SORCS2: variants seen among roughly 807,000 people sequenced by gnomAD.
SORCS2 encodes the protein VPS10 domain-containing receptor SorCS2.
A neutral mutation model predicts 141.6 loss-of-function variants in SORCS2; 100 were observed. That is an observed-to-expected ratio of 0.71 (90% CI 0.60 to 0.83). The LOEUF is 0.83. Among genes scored for constraint, SORCS2 ranks in the 40% least tolerant of loss-of-function variants. The probability of loss-of-function intolerance (pLI) is 0.00; values close to 1 mark genes in which losing one functional copy is unlikely to be tolerated. For missense variants in SORCS2, 1,646 were observed against 1,560.2 expected (o/e 1.05, Z -0.93); for synonymous variants, 789 against 676.9 (o/e 1.17, Z -2.57).
rs188085804 is a variant in SORCS2, at chr4:7,465,267, T to C, written c.549-66263T>C. 1.1e-3 allele frequency among the ~76,000 whole-genome samples: 173 copies of C among 152,360 alleles called. 1 individual carries two copies. The highest frequency in any genetic ancestry group is 3.9e-3 in the African/African-American group (164 of 41,584). On this transcript the variant is annotated intron_variant, in intron 2 of 26. Coordinates refer to ENST00000507866, the MANE Select transcript of SORCS2 (RefSeq NM_020777.3). ...GAGCTGCCAGGGCATGAATATTTAA[T>C]CTCAGCGGTTGCCATTTGTCTTTGC... is the stretch of plus-strand genomic sequence containing the variant.
At chr4:7,660,161 G>A (rs932935756) in intron 5 of SORCS2, among the ~76,000 whole-genome samples, 1 of 152,220 alleles carries the variant, frequency 6.6e-6, no homozygotes, top group Non-Finnish European at 1.5e-5. Context: ...ACAGACTCAG[G>A]ACCTGGCTTT....
chr4:7,507,315 C>G (rs1168626089), intron 2 of SORCS2, among the ~76,000 whole-genome samples: 1 of 152,162 alleles, frequency 6.6e-6, no homozygotes, highest in Non-Finnish European at 1.5e-5. Context: ...GCTGGGATTA[C>G]AGGCGCGTGC....
intron 1 of SORCS2, among the ~76,000 whole-genome samples, chr4:7,366,045 C>T (rs557477240): frequency 4.6e-5 from 7 of 152,224 alleles, no homozygotes; most frequent in East Asian, 3.9e-4. Context: ...CAGTGACATC[C>T]GTCAGCGCAG....
At chr4:7,214,961 G>A (rs181525207) in intron 1 of SORCS2, among the ~76,000 whole-genome samples, 1 of 152,022 alleles carries the variant, frequency 6.6e-6, no homozygotes, top group East Asian at 2.0e-4. Flanking sequence ...AGGTGACAGC[G>A]TGCTGGCAGT....
intron 1 of SORCS2, among the ~76,000 whole-genome samples, chr4:7,386,947 TAC>T (rs774869194): frequency 4.0e-3 from 28 of 7,078 alleles, no homozygotes; most frequent in Admixed American, 0.018. Context: ...TACACAGAGA[TAC>T]ACACATATGC....
At chr4:7,488,990 C>G (rs12331653) in intron 2 of SORCS2, among the ~76,000 whole-genome samples, 13,262 of 152,216 alleles carry the variant, frequency 0.087, 734 homozygotes, top group African/African-American at 0.16. Context: ...TTCATTCATT[C>G]ATTCAACGTT....
At chr4:7,325,451 A>C (rs1461280301) in intron 1 of SORCS2, among the ~76,000 whole-genome samples, 1 of 152,144 alleles carries the variant, frequency 6.6e-6, no homozygotes, top group Non-Finnish European at 1.5e-5. Context: ...TGGAAAAGCT[A>C]ACTGGTTATC....
chr4:7,343,362 C>T (rs1720470988), intron 1 of SORCS2, among the ~76,000 whole-genome samples: 1 of 152,228 alleles, frequency 6.6e-6, no homozygotes, highest in Admixed American at 6.5e-5. Context: ...CAGTGAGTGA[C>T]ACCGGGCAAA....
intron 1 of SORCS2, among the ~76,000 whole-genome samples, chr4:7,242,066 C>T (rs1359419812): frequency 6.6e-6 from 1 of 152,174 alleles, no homozygotes; most frequent in Middle Eastern, 3.2e-3. Flanking sequence ...ACCTAGGCAG[C>T]TTCAGGACCC....
intron 1 of SORCS2, among the ~76,000 whole-genome samples, chr4:7,388,186 C>T (rs551297641): frequency 2.0e-5 from 3 of 152,176 alleles, no homozygotes; most frequent in African/African-American, 7.2e-5. Context: ...GACAGGTAGA[C>T]GGCCTGCAGA....
intron 1 of SORCS2, among the ~76,000 whole-genome samples, chr4:7,280,894 T>C (rs938816088): frequency 6.6e-6 from 1 of 152,184 alleles, no homozygotes; most frequent in Non-Finnish European, 1.5e-5. Flanking sequence ...GGAAGCGTCA[T>C]TATCCAGCAC....
In SORCS2 at chr4:7,396,290, G is replaced by C; in HGVS notation, c.483G>C (p.Val161=). ...MVHWTGENSS[V]ILILTKYYHA... is the part of the protein sequence containing the mutation. ...TTTACTTTCTGTTAACACCACAGGT[G>C]ATCTTGATCCTGACGAAGTACTACC... The change falls in exon 2 of 27, where the codon GTG becomes GTC. Residue 161 remains valine (V), a splice_region_variant and synonymous_variant. Transcript: ENST00000507866. The C allele has an allele frequency of 6.2e-7, 1 of 1,613,884 alleles. No individual in the cohort carries two copies. The highest frequency in any genetic ancestry group is 8.5e-7 in the Non-Finnish European group (1 of 1,179,856).
At chr4:7,733,288 G>T in intron 23 of SORCS2, 34 bp from the exon 24 acceptor site, 4 of 1,486,392 alleles carry the variant, frequency 2.7e-6, no homozygotes, top group Non-Finnish European at 3.6e-6. Context: ...AGCCTCCATG[G>T]AGGCCTCACT....
At position 7,539,680 on chromosome 4, in the gene SORCS2, A is replaced by AGGCCCCGC. The variant is rs1553881101; in HGVS notation, c.648+8051_648+8052insGGCCCCGC. Among the ~76,000 whole-genome samples the AGGCCCCGC allele has an allele frequency of 7.5e-4, 101 of 134,302 alleles. 2 individuals are homozygous for AGGCCCCGC. Among genetic ancestry groups the AGGCCCCGC allele is most frequent in the South Asian group, 5.3e-4 (2 of 3,760 alleles). The allele number at this position is 134,302 out of a possible 152,430, so 88.1% of individuals were successfully genotyped here. On this transcript the variant is annotated intron_variant, in intron 3 of 26. Transcript: ENST00000507866. ...ACTCCTTCCCAGCTGCAAGGCCCCG[A>AGGCCCCGC]CCCCCGTTATGGAGGCCCCGCCCCT...
intron 2 of SORCS2, among the ~76,000 whole-genome samples, chr4:7,453,739 T>C (rs1728660842): frequency 1.6e-5 from 2 of 122,106 alleles, no homozygotes; most frequent in Non-Finnish European, 3.3e-5. Context: ...TCAGGAGCTG[T>C]GTGTTGGGGT....
chr4:7,410,949 CTTTTTTTTTTTTT>C (rs5855962), intron 2 of SORCS2, among the ~76,000 whole-genome samples: 2 of 73,842 alleles, frequency 2.7e-5, no homozygotes, highest in Admixed American at 4.2e-4. Context: ...TCTCTCCATC[CTTTTTTTTTTTTT>C]TTTTTTTTTT....
At chr4:7,359,769 T>A (rs574891528) in intron 1 of SORCS2, among the ~76,000 whole-genome samples, 1 of 152,204 alleles carries the variant, frequency 6.6e-6, no homozygotes, top group Non-Finnish European at 1.5e-5. Context: ...GTCAACAGGA[T>A]TGAAAGTAAA....
intron 3 of SORCS2, among the ~76,000 whole-genome samples, chr4:7,624,525 CTT>C (rs1196696888): frequency 1.3e-5 from 2 of 152,242 alleles, no homozygotes; most frequent in Non-Finnish European, 1.5e-5. Flanking sequence ...AAGAGACAGT[CTT>C]AGGAGATTCC....
At chr4:7,585,879 T>G (rs1156667338) in intron 3 of SORCS2, among the ~76,000 whole-genome samples, 1 of 152,248 alleles carries the variant, frequency 6.6e-6, no homozygotes, top group Non-Finnish European at 1.5e-5. Context: ...TCTCTCTTCC[T>G]TGCAGACATC....
Sources: allele counts gnomAD v4.1 joint callset (sites outside exome capture counted in the v4.1 genomes callset), GRCh38; gene constraint gnomAD v4.1.1; transcripts MANE v1.5; gene names NCBI Gene and HGNC (gene_info 2026-07-23, HGNC 2026-07-21).